The following KAT6A variants were observed in gnomAD, a reference collection of about 807,000 sequenced individuals.
The protein encoded by KAT6A is histone acetyltransferase KAT6A.
A neutral mutation model predicts 198.4 loss-of-function variants in KAT6A; 9 were observed. The ratio of observed to expected loss-of-function variants is 0.05; its 90% confidence interval spans 0.03 to 0.08. KAT6A has a LOEUF of 0.08. KAT6A is among the 10% of genes least tolerant of loss of function. The pLI is 1.00. For missense variants in KAT6A, 2,077 were observed against 2,509.9 expected (o/e 0.83, Z 3.69); for synonymous variants, 890 against 883.0 (o/e 1.01, Z -0.14).
intron 10 of KAT6A, among the ~76,000 whole-genome samples, chr8:41,948,556 T>C (rs913245027): frequency 6.6e-6 from 1 of 152,164 alleles, no homozygotes; most frequent in African/African-American, 2.4e-5. Flanking sequence ...GAGCTTTCTA[T>C]CAAAACGCCA....
chr8:42,038,057 T>C (rs1037240492), intron 2 of KAT6A, among the ~76,000 whole-genome samples: 6 of 152,190 alleles, frequency 3.9e-5, no homozygotes, highest in Non-Finnish European at 8.8e-5. Context: ...TTGGTAAAAA[T>C]TACTTCATTA....
chr8:42,012,079 C>T (rs924798231), intron 2 of KAT6A, among the ~76,000 whole-genome samples: 2 of 152,112 alleles, frequency 1.3e-5, no homozygotes, highest in African/African-American at 4.8e-5. Context: ...TCTATTAGAA[C>T]GGCTTTTTAA....
At chr8:42,016,866 C>T (rs1826296116) in intron 2 of KAT6A, among the ~76,000 whole-genome samples, 1 of 151,914 alleles carries the variant, frequency 6.6e-6, no homozygotes, top group South Asian at 2.1e-4. Context: ...TTATATATTA[C>T]TAAACTATCC....
intron 1 of KAT6A, among the ~76,000 whole-genome samples, chr8:42,050,903 C>T (rs1427313036): frequency 1.3e-5 from 2 of 152,144 alleles, no homozygotes; most frequent in African/African-American, 4.8e-5. Context: ...CCGGAAAGTA[C>T]ACGAGCGGCT....
At chr8:41,961,751 C>CAAA (rs913470847) in intron 8 of KAT6A, among the ~76,000 whole-genome samples, 7 of 46,460 alleles carry the variant, frequency 1.5e-4, no homozygotes, top group Admixed American at 2.1e-4. Context: ...GACTCCATCT[C>CAAA]AAAAAAAAAA....
Position 41,974,375 on chromosome 8 carries a change from TAAATATAGG to T in KAT6A, c.1482+320_1482+328del, listed in dbSNP as rs1226556413. 1.8e-5 allele frequency: 3 copies of T among 171,312 alleles called. No individual in the cohort carries two copies. In the East Asian group the frequency reaches 4.6e-4, roughly 26 times the overall value. 10.6% of individuals were successfully genotyped at this position (171,312 alleles called of 1,614,324 possible). On this transcript the variant is annotated intron_variant, in intron 8 of 16. Coordinates refer to ENST00000265713, the MANE Select transcript of KAT6A (RefSeq NM_006766.5). The stretch of plus-strand genomic sequence containing the variant: ...AGGCATGAAATACTTCTTGAATTAA[TAAATATAGG>T]TGTTTTATCACTCATGAGAAGCTTG...
chr8:42,026,656 G>GT (rs1156273123), intron 2 of KAT6A, among the ~76,000 whole-genome samples: 1 of 152,128 alleles, frequency 6.6e-6, no homozygotes, highest in Admixed American at 6.5e-5. Context: ...AGTTCTAAAA[G>GT]TTTTTTTGTA....
intron 2 of KAT6A, among the ~76,000 whole-genome samples, chr8:42,029,552 A>C (rs1587844631): frequency 6.7e-6 from 1 of 148,376 alleles, no homozygotes; most frequent in South Asian, 2.1e-4. Flanking sequence ...AAGCACTCAC[A>C]GTTGTAGTTT....
chr8:42,045,817 C>CAAAAAAAAAA (rs747713066), intron 2 of KAT6A, among the ~76,000 whole-genome samples: 9 of 63,212 alleles, frequency 1.4e-4, no homozygotes, highest in Admixed American at 3.2e-4. Flanking sequence ...ACTAAAAATA[C>CAAAAAAAAAA]AAAAAAAAAA....
rs186756104 is a variant in KAT6A at position 42,016,190 on chromosome 8, G to A, written c.601-28627C>T. ...GAGGTGGGAATTCCACAGTTCCTTC[G>A]CTATGTTTATGTGAAATATGAATAT... is the stretch of plus-strand genomic sequence containing the variant. On this transcript the variant is annotated intron_variant, in intron 2 of 16. Transcript: ENST00000265713. 2.4e-4 allele frequency among the ~76,000 whole-genome samples: 37 copies of A among 152,200 alleles called. No individual in the cohort carries two copies. The East Asian group carries it at 5.6e-3, about 23-fold the overall frequency.
Position 41,943,794 on chromosome 8 carries a change from T to C in KAT6A, c.2182A>G (p.Thr728Ala). 1 of 1,613,996 alleles carries C rather than the reference T, an allele frequency of 6.2e-7. No individual in the cohort carries two copies. Among genetic ancestry groups the C allele is most frequent in the Non-Finnish European group, 8.5e-7 (1 of 1,179,970 alleles). ...KLTGICPQDI[T>A]STLHHLRMLD... ...ATTCGTAGGTGGTGGAGTGTGGAAG[T>C]GATGTCTTGAGGGCAGATTCCAGTC... The change falls in exon 13 of 17, where the codon ACT (threonine) becomes GCT (alanine). Residue 728 changes from threonine to alanine, a missense_variant. Thr to Ala is a moderately conservative substitution (Grantham distance 58). This residue lies in a region of KAT6A where 127 missense variants were observed against 209.6 expected (regional missense o/e 0.61). Coordinates refer to ENST00000265713, the MANE Select transcript of KAT6A (RefSeq NM_006766.5).
At chr8:41,988,784 CAAT>C (rs1824757631) in intron 2 of KAT6A, among the ~76,000 whole-genome samples, 1 of 152,194 alleles carries the variant, frequency 6.6e-6, no homozygotes, top group African/African-American at 2.4e-5. Context: ...TGGAGGAAAG[CAAT>C]TTGGAGGAAA....
chr8:42,031,668 C>T (rs1346748897), intron 2 of KAT6A, among the ~76,000 whole-genome samples: 21 of 121,772 alleles, frequency 1.7e-4, no homozygotes, highest in African/African-American at 6.5e-4. Context: ...CTAGCTCTGT[C>T]GCCCAGGCTG....
rs1222260973 is a variant in KAT6A at position 41,933,747 on chromosome 8, G to C, written c.4473C>G (p.Ser1491Arg). ...GACTGCTGACCGAACGGACTGACTG[G>C]CTGGGGTGAGACTGAACGGAGGAGA... ...SPISSVQSHP[S>R]QSVRSVSSPN... Residue 1491 changes from serine to arginine, a missense_variant, in exon 17 of 17, where the codon AGC becomes AGG. By Grantham distance (110) the Ser-to-Arg change is moderately radical (BLOSUM62 -1). This residue lies in a region of KAT6A where 178 missense variants were observed against 220.8 expected (regional missense o/e 0.81). Coordinates refer to ENST00000265713, the MANE Select transcript of KAT6A (RefSeq NM_006766.5). The surrounding 1 kb of genome is among the most constrained non-coding windows in gnomAD (Gnocchi z 6.2). 1 of 1,614,144 alleles carries C rather than the reference G, an allele frequency of 6.2e-7. No homozygotes were observed. Among genetic ancestry groups the C allele is most frequent in the South Asian group, 1.1e-5 (1 of 91,082 alleles).
chr8:42,051,368 C>T (rs920506541), intron 1 of KAT6A, among the ~76,000 whole-genome samples: 3 of 151,844 alleles, frequency 2.0e-5, no homozygotes, highest in Non-Finnish European at 4.4e-5. Flanking sequence ...CGCTCGGATC[C>T]CCGCGCCCCC....
chr8:41,978,413 C>T (rs550946617), intron 6 of KAT6A, among the ~76,000 whole-genome samples: 6 of 152,188 alleles, frequency 3.9e-5, no homozygotes, highest in Non-Finnish European at 7.3e-5. Context: ...GTAACAGCAG[C>T]AGCTATATTT....
intron 8 of KAT6A, among the ~76,000 whole-genome samples, chr8:41,967,461 A>C (rs1587756089): frequency 1.2e-5 from 1 of 86,178 alleles, no homozygotes; most frequent in Non-Finnish European, 2.1e-5. Context: ...CCCACCCCAC[A>C]ACAGTCCTCA....
chr8:41,988,420 T>C lies in KAT6A; in HGVS notation c.601-857A>G, dbSNP rs148627223. On this transcript the variant is annotated intron_variant, in intron 2 of 16. Coordinates refer to ENST00000265713, the MANE Select transcript of KAT6A (RefSeq NM_006766.5). ...TTTTTATATATCAATTATACCTAAA[T>C]ACAGCTTTAAAACGAAAATAAATTT... 7.5e-4 allele frequency among the ~76,000 whole-genome samples: 114 copies of C among 152,334 alleles called. 1 individual carries two copies. In the East Asian group the frequency reaches 0.021, roughly 28 times the overall value.
At chr8:42,050,262 G>A (rs1030858368) in intron 1 of KAT6A, among the ~76,000 whole-genome samples, 21 of 152,210 alleles carry the variant, frequency 1.4e-4, no homozygotes. Context: ...GAAATGTACT[G>A]TCTCTCTGAA....
Sources: allele counts gnomAD v4.1 joint callset (sites outside exome capture counted in the v4.1 genomes callset), GRCh38; gene constraint gnomAD v4.1.1; regional missense constraint gnomAD v4.1.1; non-coding constraint Gnocchi (gnomAD v3.1); transcripts MANE v1.5; gene names NCBI Gene and HGNC (gene_info 2026-07-23, HGNC 2026-07-21).